Variants in NUCB2 observed in about 807,000 individuals in gnomAD.
NUCB2 encodes nucleobindin-2.
In NUCB2, 48 loss-of-function variants were observed where a neutral mutation model predicts 57.9. The ratio of observed to expected loss-of-function variants is 0.83; its 90% confidence interval spans 0.66 to 1.05. The LOEUF (loss-of-function observed/expected upper bound fraction) is 1.05. NUCB2 is among the 50% of genes least tolerant of loss of function. The probability of loss-of-function intolerance (pLI) is 0.00; values close to 1 mark genes in which losing one functional copy is unlikely to be tolerated. For synonymous variants in NUCB2, 139 were observed against 152.1 expected, an observed-to-expected ratio of 0.91 and a Z score of 0.64; for missense variants, 442 against 476.2, an observed-to-expected ratio of 0.93 and a Z score of 0.67.
chr11:17,288,950 CAT>C (rs1321140779), intron 2 of NUCB2, among the ~76,000 whole-genome samples: 513 of 33,076 alleles, frequency 0.016, 61 homozygotes, highest in African/African-American at 0.024. Context: ...CACACACACA[CAT>C]ATATATATAT....
chr11:17,301,891 A>T, intron 5 of NUCB2, 21 bp downstream of exon 5: 1 of 1,596,016 alleles, frequency 6.3e-7, no homozygotes, highest in Non-Finnish European at 8.5e-7. Flanking sequence ...AACAAAAGGT[A>T]GGATTTTTTT....
intron 4 of NUCB2, 57 bp from the exon 5 acceptor site, chr11:17,301,687 C>G (rs1017819133): frequency 3.0e-6 from 4 of 1,341,838 alleles, no homozygotes; most frequent in Non-Finnish European, 4.3e-6. Context: ...TAAGCTGTTG[C>G]ATTTGTCTAA....
chr11:17,340,916 A>G (rs922948293), intron 2 of NUCB2, among the ~76,000 whole-genome samples: 3 of 152,188 alleles, frequency 2.0e-5, no homozygotes, highest in African/African-American at 4.8e-5. Context: ...CTTGGGCAGT[A>G]TGGCCATTTT....
At chr11:17,310,468 C>G (rs1392483074) in intron 6 of NUCB2, among the ~76,000 whole-genome samples, 2 of 152,112 alleles carry the variant, frequency 1.3e-5, no homozygotes, top group East Asian at 3.9e-4. Flanking sequence ...GAAACCCTGT[C>G]TGTACTTAAA....
At chr11:17,320,730 C>T (rs1409720969) in intron 11 of NUCB2, among the ~76,000 whole-genome samples, 1 of 152,070 alleles carries the variant, frequency 6.6e-6, no homozygotes, top group Non-Finnish European at 1.5e-5. Context: ...TCAAAAATTA[C>T]TTGGGTTAGT....
intron 2 of NUCB2, among the ~76,000 whole-genome samples, chr11:17,345,484 G>T (rs1012951829): frequency 1.3e-5 from 2 of 152,148 alleles, no homozygotes; most frequent in African/African-American, 2.4e-5. Flanking sequence ...CAAGGCGGGT[G>T]GATCACGAGG....
At chr11:17,347,697 T>C (rs1952856651) in intron 2 of NUCB2, among the ~76,000 whole-genome samples, 1 of 152,222 alleles carries the variant, frequency 6.6e-6, no homozygotes, top group Non-Finnish European at 1.5e-5. Flanking sequence ...GATTTGTGTG[T>C]TGGATTTTGT....
chr11:17,297,653 T>A (rs1591329679), intron 4 of NUCB2, among the ~76,000 whole-genome samples: 1 of 152,166 alleles, frequency 6.6e-6, no homozygotes, highest in Admixed American at 6.6e-5. Flanking sequence ...CATAGAGATA[T>A]TCAGGCAAAA....
At chr11:17,290,997 A>G (rs1171118192) in intron 2 of NUCB2, among the ~76,000 whole-genome samples, 1 of 152,134 alleles carries the variant, frequency 6.6e-6, no homozygotes, top group African/African-American at 2.4e-5. Flanking sequence ...TTATGCAACC[A>G]TCTCAACGAT....
intron 2 of NUCB2, among the ~76,000 whole-genome samples, chr11:17,342,952 C>T (rs1952405521): frequency 6.6e-6 from 1 of 152,066 alleles, no homozygotes; most frequent in Non-Finnish European, 1.5e-5. Flanking sequence ...GAGTCTAAGT[C>T]TCTTTGTAGG....
At chr11:17,287,789 C>G (rs571678050) in intron 2 of NUCB2, among the ~76,000 whole-genome samples, 1 of 152,090 alleles carries the variant, frequency 6.6e-6, no homozygotes, top group African/African-American at 2.4e-5. Flanking sequence ...CACTTGAGGT[C>G]AGGAGTTTGA....
intron 4 of NUCB2, among the ~76,000 whole-genome samples, chr11:17,297,758 A>G (rs1186759817): frequency 6.6e-6 from 1 of 152,102 alleles, no homozygotes; most frequent in East Asian, 1.9e-4. Flanking sequence ...GTTAGGGGGA[A>G]CCAAAATGAA....
At chr11:17,288,880 T>TACACACACACACACACACACACACACAC (rs775443519) in intron 2 of NUCB2, among the ~76,000 whole-genome samples, 3 of 67,510 alleles carry the variant, frequency 4.4e-5, no homozygotes, top group Non-Finnish European at 5.8e-5. Context: ...ATAACATGTA[T>TACACACACACACACACACACACACACAC]ATACACACAC....
At chr11:17,349,523 A>G (rs972080760) in exon 3 of NUCB2, 1 of 152,162 alleles carries the variant, frequency 6.6e-6, no homozygotes, top group Non-Finnish European at 1.5e-5. Flanking sequence ...GAAGGGGAAA[A>G]GAAGATCATT....
intron 2 of NUCB2, chr11:17,283,504 A>G (rs981973355): frequency 3.3e-5 from 5 of 152,266 alleles, no homozygotes; most frequent in South Asian, 2.1e-4. Context: ...AGAAGCTTCT[A>G]TAATTTGCCA....
intron 5 of NUCB2, among the ~76,000 whole-genome samples, chr11:17,305,872 T>C (rs1947548466): frequency 6.6e-6 from 1 of 152,112 alleles, no homozygotes; most frequent in East Asian, 1.9e-4. Flanking sequence ...ATGATCCTTC[T>C]GCCTTGGCCT....
intron 3 of NUCB2, 84 bp downstream of exon 3, chr11:17,295,551 A>C: frequency 1.0e-6 from 1 of 996,272 alleles, no homozygotes; most frequent in East Asian, 2.4e-5. Context: ...GAATGAGGTG[A>C]AACTATAACT....
intron 2 of NUCB2, among the ~76,000 whole-genome samples, chr11:17,340,323 T>G (rs1484968328): frequency 6.6e-6 from 1 of 152,314 alleles, no homozygotes; most frequent in East Asian, 1.9e-4. Context: ...GATGGTAGTT[T>G]CTTTTGCTGT....
At chr11:17,314,927 G>C (rs1230373472) in intron 10 of NUCB2, among the ~76,000 whole-genome samples, 3 of 152,132 alleles carry the variant, frequency 2.0e-5, no homozygotes, top group African/African-American at 7.2e-5. Flanking sequence ...TTTGATTTTG[G>C]TAATTGTGTT....
Sources: allele counts gnomAD v4.1 joint callset (sites outside exome capture counted in the v4.1 genomes callset), GRCh38; gene constraint gnomAD v4.1.1; transcripts MANE v1.5; gene names NCBI Gene and HGNC (gene_info 2026-07-23, HGNC 2026-07-21).